Variants in CNTNAP2 observed in about 807,000 individuals in gnomAD.
The protein encoded by CNTNAP2 is contactin-associated protein-like 2.
In CNTNAP2, 98 loss-of-function variants were observed where a neutral mutation model predicts 155.2. The ratio of observed to expected loss-of-function variants is 0.63; its 90% CI spans 0.54 to 0.75. The LOEUF (loss-of-function observed/expected upper bound fraction) is 0.75, where lower values mean the gene tolerates loss of function less well. Among genes scored for constraint, CNTNAP2 ranks in the 30% least tolerant of loss-of-function variants. The probability of loss-of-function intolerance (pLI) is 0.00; values close to 1 mark genes in which losing one functional copy is unlikely to be tolerated. For missense variants in CNTNAP2, 1,727 were observed against 1,688.1 expected (o/e 1.02, Z -0.40); for synonymous variants, 651 against 631.2 (o/e 1.03, Z -0.47).
intron 13 of CNTNAP2, among the ~76,000 whole-genome samples, chr7:147,861,155 T>C (rs1799127349): frequency 6.6e-6 from 1 of 152,190 alleles, no homozygotes; most frequent in East Asian, 1.9e-4. Flanking sequence ...GAGAAAGAAC[T>C]AAGCTTCTAC....
chr7:146,129,103 T>A (rs557593927), intron 1 of CNTNAP2, among the ~76,000 whole-genome samples: 1 of 152,304 alleles, frequency 6.6e-6, no homozygotes, highest in South Asian at 2.1e-4. Flanking sequence ...ATTTGAGTAG[T>A]CTTCATATTG....
At chr7:146,536,784 T>G (rs570364176) in intron 1 of CNTNAP2, among the ~76,000 whole-genome samples, 2 of 152,274 alleles carry the variant, frequency 1.3e-5, no homozygotes, top group South Asian at 4.1e-4. Flanking sequence ...CATTAGACGC[T>G]GTGATTGTGA....
Position 146,605,087 on chromosome 7 carries a change from C to A in CNTNAP2, c.98-169184C>A, listed in dbSNP as rs11463361. 3.1e-3 allele frequency among the ~76,000 whole-genome samples: 440 copies of A among 144,050 alleles called. 15 individuals carry two copies. The highest frequency in any genetic ancestry group is 4.1e-3 in the Non-Finnish European group (265 of 65,178). 94.5% of individuals were successfully genotyped at this position (144,050 alleles called of 152,430 possible). A position where few individuals can be genotyped will look rare whatever the true frequency, so the allele number is the denominator to read the frequency against. ...CTTAAAGTATAATAAAAAAAAACAA[C>A]AAAAAAAAAAAGAAAAAAAAATACT... On this transcript the variant is annotated intron_variant, in intron 1 of 23. Coordinates refer to ENST00000361727, the MANE Select transcript of CNTNAP2 (RefSeq NM_014141.6).
Position 146,518,985 on chromosome 7 carries a change from A to G in CNTNAP2, c.98-255286A>G, listed in dbSNP as rs532112458. ...GTTGCTAATTATCTTTCAATCTGTC[A>G]GTATCACATCTGTGAAGGTTTTCTT... On this transcript the variant is annotated intron_variant, in intron 1 of 23. Transcript: ENST00000361727. 1.3e-4 allele frequency among the ~76,000 whole-genome samples: 20 copies of G among 152,076 alleles called. No homozygotes were observed. The South Asian group carries it at 1.9e-3, about 14-fold the overall frequency.
At chr7:146,933,597 TTAAAC>T in intron 3 of CNTNAP2, among the ~76,000 whole-genome samples, 2 of 147,816 alleles carry the variant, frequency 1.4e-5, no homozygotes, top group South Asian at 2.2e-4. Flanking sequence ...TGGGATCTAA[TTAAAC>T]TAAAGAGCTT....
rs562565785 is a variant in CNTNAP2 at position 147,271,986 on chromosome 7, G to A, written c.1349-28155G>A. Among the ~76,000 whole-genome samples, 3 of 152,154 alleles carry A rather than the reference G, an allele frequency of 2.0e-5. No homozygotes were observed. In the South Asian group the frequency reaches 6.2e-4, roughly 32 times the overall value. On this transcript the variant is annotated intron_variant, in intron 8 of 23. Transcript: ENST00000361727. ...TGGCTCACTGCAACCTCCACCTCCT[G>A]GGTTCAAGCAATTCTCATGCCTCAG...
At chr7:146,180,472 GT>G (rs1403828461) in intron 1 of CNTNAP2, among the ~76,000 whole-genome samples, 1 of 151,668 alleles carries the variant, frequency 6.6e-6, no homozygotes, top group African/African-American at 2.4e-5. Context: ...TTATAAATAT[GT>G]TTCATTTAAA....
In CNTNAP2 at chr7:146,910,604, G is replaced by A. The variant is rs1478218268; in HGVS notation, c.402+70700G>A. 2.6e-5 allele frequency among the ~76,000 whole-genome samples: 4 copies of A among 151,082 alleles called. No individual in the cohort carries two copies. In the East Asian group the frequency reaches 7.7e-4, roughly 29 times the overall value. On this transcript the variant is annotated intron_variant, in intron 3 of 23. Coordinates refer to ENST00000361727, the MANE Select transcript of CNTNAP2 (RefSeq NM_014141.6). ...TGCTGGGAAAACTGGCTAGCCATATGTAGAAAGCTGAAACTGGATCCCTTC... is the reference window on the plus strand; with the variant it reads ...TGCTGGGAAAACTGGCTAGCCATATATAGAAAGCTGAAACTGGATCCCTTC...
chr7:147,910,508 C>T (rs973167568), intron 14 of CNTNAP2, among the ~76,000 whole-genome samples: 2 of 151,946 alleles, frequency 1.3e-5, no homozygotes, highest in Middle Eastern at 3.2e-3. Context: ...TTAGGAATTA[C>T]ACACCAAGAC....
intron 6 of CNTNAP2, chr7:147,122,569 T>C (rs930759979): frequency 6.6e-6 from 1 of 152,236 alleles, no homozygotes; most frequent in African/African-American, 2.4e-5. Context: ...TCTAATTTTC[T>C]GTTCCACTTT....
chr7:146,410,899 C>T (rs926649806), intron 1 of CNTNAP2, among the ~76,000 whole-genome samples: 4 of 152,162 alleles, frequency 2.6e-5, no homozygotes, highest in Non-Finnish European at 5.9e-5. Context: ...CTTCACACAA[C>T]ATAATGTCCT....
At chr7:146,515,396 G>A (rs567799622) in intron 1 of CNTNAP2, among the ~76,000 whole-genome samples, 2 of 152,180 alleles carry the variant, frequency 1.3e-5, no homozygotes, top group South Asian at 4.2e-4. Flanking sequence ...ATACAGAAAT[G>A]TGTTTATCTT....
chr7:148,106,103 G>T (rs532713236), intron 15 of CNTNAP2, among the ~76,000 whole-genome samples: 38 of 152,274 alleles, frequency 2.5e-4, no homozygotes, highest in African/African-American at 8.4e-4. Context: ...TGGATGCTAA[G>T]GAAGGGCTCC....
intron 1 of CNTNAP2, among the ~76,000 whole-genome samples, chr7:146,592,022 C>T (rs1436540724): frequency 1.3e-5 from 2 of 152,182 alleles, no homozygotes; most frequent in African/African-American, 2.4e-5. Flanking sequence ...TCCTCTGACC[C>T]ATTTGCCATG....
intron 1 of CNTNAP2, among the ~76,000 whole-genome samples, chr7:146,612,747 CAG>C (rs937750851): frequency 4.6e-5 from 7 of 152,108 alleles, no homozygotes; most frequent in African/African-American, 1.7e-4. Context: ...TTCATATACA[CAG>C]AGAAAAATAC....
intron 1 of CNTNAP2, among the ~76,000 whole-genome samples, chr7:146,197,074 A>C (rs1156559432): frequency 6.6e-6 from 1 of 152,180 alleles, no homozygotes; most frequent in East Asian, 1.9e-4. Flanking sequence ...TCTACTGGAA[A>C]AAAAATGGAA....
chr7:147,404,014 C>T (rs551086135), intron 10 of CNTNAP2, among the ~76,000 whole-genome samples: 35 of 152,132 alleles, frequency 2.3e-4, no homozygotes, highest in Admixed American at 7.9e-4. Context: ...TTTAAGCTGG[C>T]GTCAAACTGT....
chr7:146,495,124 C>T (rs1797194830), intron 1 of CNTNAP2, among the ~76,000 whole-genome samples: 1 of 152,172 alleles, frequency 6.6e-6, no homozygotes, highest in Non-Finnish European at 1.5e-5. Context: ...GTTGTCAAAT[C>T]TGTGATAAGC....
chr7:147,407,325 G>A (rs1454355954), intron 10 of CNTNAP2, among the ~76,000 whole-genome samples: 5 of 151,642 alleles, frequency 3.3e-5, no homozygotes, highest in East Asian at 2.0e-4. Flanking sequence ...AAAATTAGCC[G>A]GGCGTGGTGG....
Sources: allele counts gnomAD v4.1 joint callset (sites outside exome capture counted in the v4.1 genomes callset), GRCh38; gene constraint gnomAD v4.1.1; transcripts MANE v1.5; gene names NCBI Gene and HGNC (gene_info 2026-07-23, HGNC 2026-07-21).